DIP2C: variants seen among roughly 807,000 people sequenced by gnomAD.
DIP2C encodes the protein DIP2 acetate--CoA ligase C (putative).
In DIP2C, 33 loss-of-function variants were observed where a neutral mutation model predicts 192.4. The observed-to-expected ratio is 0.17, with a 90% confidence interval of 0.13 to 0.23. DIP2C has a LOEUF of 0.23. Ranked by LOEUF, DIP2C falls within the 10% of genes least tolerant of loss-of-function variation. The probability of loss-of-function intolerance (pLI) is 1.00; values close to 1 mark genes in which losing one functional copy is unlikely to be tolerated. For missense variants in DIP2C, 1,537 were observed against 2,110.1 expected (o/e 0.73, Z 5.32); for synonymous variants, 979 against 864.1 (o/e 1.13, Z -2.33).
At chr10:546,670 T>C (rs956655504) in intron 1 of DIP2C, among the ~76,000 whole-genome samples, 2 of 152,226 alleles carry the variant, frequency 1.3e-5, no homozygotes, top group African/African-American at 4.8e-5. Flanking sequence ...TCTGCCCCAA[T>C]TCCTTTTAAG....
chr10:340,979 A>G, intron 29 of DIP2C: 1 of 679,336 alleles, frequency 1.5e-6, no homozygotes, highest in Non-Finnish European at 2.7e-6. Context: ...GCTCTCCAAA[A>G]TGCTCCTTCC....
rs200257346 is a variant in DIP2C, at chr10:362,729, G to A, written c.2593-38C>T. The A allele has an allele frequency of 1.5e-4, 229 of 1,571,242 alleles. 3 individuals carry two copies. The East Asian group carries it at 3.6e-3, about 25-fold the overall frequency. On this transcript the variant is annotated intron_variant, in intron 21 of 36. Coordinates refer to ENST00000280886, the MANE Select transcript of DIP2C (RefSeq NM_014974.3). ...TAAAGAGGAAATCATGTTATAAGAG[G>A]AAGTATAAACAGTACGTATTTATAT...
chr10:651,014 C>T lies in DIP2C; in HGVS notation c.85+38480G>A, dbSNP rs1855853340. On this transcript the variant is annotated intron_variant, in intron 1 of 36. Coordinates refer to ENST00000280886, the MANE Select transcript of DIP2C (RefSeq NM_014974.3). The surrounding 1 kb of genome is among the most constrained non-coding windows in gnomAD (Gnocchi z 4.1). ...CTCTCCCGGTGCCAGGGCTCAGGCC[C>T]CAGCCCCCGTTTCTGCAGAAGCCCC... The T allele has an allele frequency of 2.8e-6, 2 of 717,472 alleles. No homozygotes were observed. The highest frequency in any genetic ancestry group is 2.7e-5 in the East Asian group (1 of 37,284). 44.4% of individuals were successfully genotyped at this position (717,472 alleles called of 1,614,324 possible).
At chr10:407,444 C>T (rs1964884788) in intron 9 of DIP2C, among the ~76,000 whole-genome samples, 1 of 152,158 alleles carries the variant, frequency 6.6e-6, no homozygotes, top group Non-Finnish European at 1.5e-5. Flanking sequence ...TTTGGGTACA[C>T]ACCCCGAAGC....
chr10:281,160 T>C, intron 36 of DIP2C, 40 bp downstream of exon 36: 1 of 1,607,616 alleles, frequency 6.2e-7, no homozygotes. Context: ...TCACAAACTC[T>C]GCTCCTGATT....
chr10:497,109 A>G (rs935836603), intron 1 of DIP2C, among the ~76,000 whole-genome samples: 2 of 151,954 alleles, frequency 1.3e-5, no homozygotes, highest in Admixed American at 1.3e-4. Context: ...GGGCGACTAG[A>G]GCAAGACTCC....
At chr10:450,332 G>A (rs1968753163) in intron 3 of DIP2C, among the ~76,000 whole-genome samples, 1 of 152,158 alleles carries the variant, frequency 6.6e-6, no homozygotes. Flanking sequence ...TAGACATTTG[G>A]CACTTGTCAG....
At chr10:552,271 T>A (rs953776259) in intron 1 of DIP2C, among the ~76,000 whole-genome samples, 1 of 152,236 alleles carries the variant, frequency 6.6e-6, no homozygotes, top group Non-Finnish European at 1.5e-5. Flanking sequence ...ATCTATCATA[T>A]CAAGATACAG....
chr10:658,106 T>C (rs1481027667), intron 1 of DIP2C, among the ~76,000 whole-genome samples: 1 of 152,056 alleles, frequency 6.6e-6, no homozygotes, highest in African/African-American at 2.4e-5. Flanking sequence ...GACCTGTCCC[T>C]GGACCTGCCC....
At chr10:501,212 T>C (rs1389592988) in intron 1 of DIP2C, among the ~76,000 whole-genome samples, 1 of 152,222 alleles carries the variant, frequency 6.6e-6, no homozygotes, top group Non-Finnish European at 1.5e-5. Context: ...AAGATTTTGA[T>C]GGTTTCACTA....
chr10:684,985 T>A (rs1237375797), intron 1 of DIP2C, among the ~76,000 whole-genome samples: 2 of 150,992 alleles, frequency 1.3e-5, no homozygotes, highest in African/African-American at 4.9e-5. Context: ...ATACAAAAAA[T>A]TAGCCGGGTG....
At chr10:536,558 G>T (rs1229466261) in intron 1 of DIP2C, among the ~76,000 whole-genome samples, 1 of 152,236 alleles carries the variant, frequency 6.6e-6, no homozygotes, top group Non-Finnish European at 1.5e-5. Flanking sequence ...GGACACCACA[G>T]TCCTGGGGGC....
chr10:283,641 T>C (rs75911632), intron 34 of DIP2C, among the ~76,000 whole-genome samples, 195 bp from the exon 35 acceptor site: 219 of 152,346 alleles, frequency 1.4e-3, no homozygotes, highest in Non-Finnish European at 2.4e-3. Flanking sequence ...AAAGGCAGTC[T>C]ACCAAGTTTG....
At chr10:425,455 C>T (rs1966526004) in intron 4 of DIP2C, among the ~76,000 whole-genome samples, 1 of 148,836 alleles carries the variant, frequency 6.7e-6, no homozygotes, top group African/African-American at 2.5e-5. Flanking sequence ...GATGATACAG[C>T]ATGACCAGTG....
At chr10:676,711 A>G (rs1830889807) in intron 1 of DIP2C, among the ~76,000 whole-genome samples, 1 of 152,138 alleles carries the variant, frequency 6.6e-6, no homozygotes, top group African/African-American at 2.4e-5. Flanking sequence ...TCTAACCAAG[A>G]GGGTTAAAGA....
At chr10:472,305 C>A (rs778881700) in intron 3 of DIP2C, 134 bp downstream of exon 3, 27 of 691,820 alleles carry the variant, frequency 3.9e-5, no homozygotes, top group Non-Finnish European at 6.3e-5. Context: ...TGTGTCCGTG[C>A]AGAAAGCTGG....
intron 1 of DIP2C, among the ~76,000 whole-genome samples, chr10:673,844 C>T (rs950114761): frequency 7.2e-5 from 11 of 152,002 alleles, no homozygotes; most frequent in South Asian, 2.1e-4. Flanking sequence ...CTACTAGGGG[C>T]GAAACAGAAA....
At chr10:454,144 G>A (rs1165343345) in intron 3 of DIP2C, among the ~76,000 whole-genome samples, 1 of 152,212 alleles carries the variant, frequency 6.6e-6, no homozygotes, top group African/African-American at 2.4e-5. Context: ...TTTTTCTGCT[G>A]TGGCTGCTAA....
At chr10:466,840 C>T (rs538129131) in intron 3 of DIP2C, among the ~76,000 whole-genome samples, 4 of 133,978 alleles carry the variant, frequency 3.0e-5, no homozygotes, top group African/African-American at 1.0e-4. Flanking sequence ...GAGATATCAT[C>T]GCACACCAGT....
Sources: allele counts gnomAD v4.1 joint callset (sites outside exome capture counted in the v4.1 genomes callset), GRCh38; gene constraint gnomAD v4.1.1; non-coding constraint Gnocchi (gnomAD v3.1); transcripts MANE v1.5; gene names NCBI Gene and HGNC (gene_info 2026-07-23, HGNC 2026-07-21).